Variants in LARP7 observed in about 807,000 individuals in gnomAD.
The protein encoded by LARP7 is La ribonucleoprotein 7, transcriptional regulator, also known as la-related protein 7.
In LARP7, 52 loss-of-function variants were observed where a neutral mutation model predicts 69.3. The ratio of observed to expected loss-of-function variants is 0.75; its 90% CI spans 0.60 to 0.95. The LOEUF (loss-of-function observed/expected upper bound fraction) is 0.95. LARP7 is among the 40% of genes least tolerant of loss of function. LARP7 has a pLI of 0.00. For missense variants in LARP7, 733 were observed against 673.0 expected, an observed-to-expected ratio of 1.09 and a Z score of -0.99; for synonymous variants, 254 against 215.9, an observed-to-expected ratio of 1.18 and a Z score of -1.55.
chr4:112,644,472 G>T, intron 1 of LARP7, 196 bp from the exon 2 acceptor site: 2 of 1,189,886 alleles, frequency 1.7e-6, no homozygotes, highest in Non-Finnish European at 2.2e-6. Context: ...CTAAAGCTAT[G>T]ATCCCTAACA....
At chr4:112,641,185 G>T (rs2047946320) in intron 1 of LARP7, among the ~76,000 whole-genome samples, 2 of 152,064 alleles carry the variant, frequency 1.3e-5, no homozygotes, top group Admixed American at 1.3e-4. Context: ...CAGATCACCT[G>T]AGGTCAGGTG....
In LARP7 at chr4:112,647,367, G is replaced by T. The variant is rs529243678; in HGVS notation, c.815G>T (p.Cys272Phe). 4.3e-6 allele frequency: 7 copies of T among 1,613,912 alleles called. No homozygotes were observed. Among genetic ancestry groups the T allele is most frequent in the Non-Finnish European group, 5.9e-6 (7 of 1,180,016 alleles). The change falls in exon 7 of 13, where the codon TGC becomes TTC. Residue 272 changes from cysteine (C) to phenylalanine (F), a missense_variant. Physicochemically the swap from Cys to Phe is radical, Grantham distance 205 (BLOSUM62 -2). Coordinates refer to ENST00000344442, the MANE Select transcript of LARP7 (RefSeq NM_016648.4). ...GAGTCCACTGAACCCCAAAAGCAGT[G>T]CTCAAAGAAAAAGAAAAAACGGGAC... ...DIESTEPQKQ[C>F]SKKKKKRDRV...
At chr4:112,649,151 A>T (rs1434571865) in intron 8 of LARP7, among the ~76,000 whole-genome samples, 2 of 152,152 alleles carry the variant, frequency 1.3e-5, no homozygotes, top group East Asian at 1.9e-4. Context: ...AGTAAATACT[A>T]AGGAATGTTA....
chr4:112,650,992 A>G (rs2048705594), intron 10 of LARP7, among the ~76,000 whole-genome samples: 1 of 152,122 alleles, frequency 6.6e-6, no homozygotes, highest in South Asian at 2.1e-4. Context: ...TTACGCTACA[A>G]ATTGCTGTAC....
rs1164711856 is a variant in LARP7 at position 112,646,613 on chromosome 4, G to A, written c.329G>A (p.Arg110Gln). ...CTTGATTTGGAAGGCACCAGAATCC[G>A]GAGGAAAAAACCTCTGGGGGAAAGA... ...VELDLEGTRI[R>Q]RKKPLGERPK... The change falls in exon 4 of 13, where the codon CGG becomes CAG. Residue 110 changes from arginine (R) to glutamine (Q), a missense_variant. Arg to Gln is a conservative substitution (Grantham distance 43). Coordinates refer to ENST00000344442, the MANE Select transcript of LARP7 (RefSeq NM_016648.4). 7 of 1,598,674 alleles carry A rather than the reference G, an allele frequency of 4.4e-6. No individual in the cohort carries two copies. Among genetic ancestry groups the A allele is most frequent in the African/African-American group, 1.3e-5 (1 of 74,690 alleles).
Position 112,649,562 on chromosome 4 carries a change from G to A in LARP7, c.1170G>A (p.Glu390=). 6.2e-7 allele frequency: 1 copy of A among 1,603,906 alleles called. No individual in the cohort carries two copies. Among genetic ancestry groups the A allele is most frequent in the South Asian group, 1.1e-5 (1 of 89,732 alleles). The change falls in exon 9 of 13, where the codon GAG becomes GAA. Residue 390 remains glutamate (E), a synonymous_variant. Coordinates refer to ENST00000344442, the MANE Select transcript of LARP7 (RefSeq NM_016648.4). The part of the protein sequence containing the change: ...SKSEWMDLKK[E]YLALQKASMA... ...GCGAATGGATGGATTTGAAAAAAGA[G>A]TATTTAGCGCTACAAAAAGCTAGCA...
Position 112,646,571 on chromosome 4 carries a change from A to AAT in LARP7, c.304-13_304-12dup. The AAT allele has an allele frequency of 2.7e-6, 4 of 1,456,200 alleles. No homozygotes were observed. The highest frequency in any genetic ancestry group is 2.8e-6 in the Non-Finnish European group (3 of 1,075,356). The allele number at this position is 1,456,200 out of a possible 1,614,324, so 90.2% of individuals were successfully genotyped here. A position where few individuals can be genotyped will look rare whatever the true frequency, so the allele number is the denominator to read the frequency against. On this transcript the variant is annotated splice_polypyrimidine_tract_variant and intron_variant, in intron 3 of 12. Coordinates refer to ENST00000344442, the MANE Select transcript of LARP7 (RefSeq NM_016648.4). The stretch of plus-strand genomic sequence containing the variant: ...TAAATAATATTAGTTTTATTAATGT[A>AAT]ATATACTATTTTAAAGCTTGATTTG...
Position 112,654,069 on chromosome 4 carries a change from T to A in LARP7, c.1578T>A (p.Gly526=), listed in dbSNP as rs1381017073. Residue 526 remains glycine (G), a splice_region_variant and synonymous_variant, in exon 12 of 13, where the codon GGT becomes GGA. Coordinates refer to ENST00000344442, the MANE Select transcript of LARP7 (RefSeq NM_016648.4). ...TCAGAGTCTTTGTTTGTTTTTAAGGTGATCACGAACAAAGGTATTGGCAGA... is the reference window on the plus strand; with the variant it reads ...TCAGAGTCTTTGTTTGTTTTTAAGGAGATCACGAACAAAGGTATTGGCAGA... ...KHCWKLEILS[G]DHEQRYWQKI... The A allele has an allele frequency of 6.2e-7, 1 of 1,611,048 alleles. No homozygotes were observed. The highest frequency in any genetic ancestry group is 8.5e-7 in the Non-Finnish European group (1 of 1,177,274).
At chr4:112,639,627 A>G (rs1222241654) in intron 1 of LARP7, among the ~76,000 whole-genome samples, 1 of 152,022 alleles carries the variant, frequency 6.6e-6, no homozygotes, top group African/African-American at 2.4e-5. Context: ...GTTTTGACAG[A>G]AGCATCACAA....
At position 112,650,665 on chromosome 4, in the gene LARP7, T is replaced by C. The variant is rs117963364; in HGVS notation, c.1416+83T>C. 4.9e-3 allele frequency: 6,767 copies of C among 1,378,572 alleles called. 246 individuals are homozygous for C. The East Asian group carries it at 0.097, about 20-fold the overall frequency. The allele number at this position is 1,378,572 out of a possible 1,614,324, so 85.4% of individuals were successfully genotyped here. ...GTGAAAATGTTTTGAATATGGAAGA[T>C]AAAACAAATCAAGTTAGAATTTGTT... On this transcript the variant is annotated intron_variant, in intron 10 of 12. Transcript: ENST00000344442.
chr4:112,638,796 C>T (rs370773173), intron 1 of LARP7, among the ~76,000 whole-genome samples: 1 of 152,168 alleles, frequency 6.6e-6, no homozygotes, highest in African/African-American at 2.4e-5. Flanking sequence ...GTTAAGCAAC[C>T]CATGACTGTG....
intron 8 of LARP7, chr4:112,648,851 CTT>C (rs58275837): frequency 1.3e-3 from 193 of 148,974 alleles, no homozygotes; most frequent in South Asian, 6.6e-3. Flanking sequence ...GGTCTGGATC[CTT>C]TTTTTTTTTT....
In LARP7 at chr4:112,647,218, G is replaced by C. The variant is rs745533824; in HGVS notation, c.666G>C (p.Lys222Asn). 2 of 1,589,856 alleles carry C rather than the reference G, an allele frequency of 1.3e-6. No homozygotes were observed. The highest frequency in any genetic ancestry group is 4.5e-5 in the East Asian group (2 of 44,702). Residue 222 changes from lysine to asparagine, a missense_variant, in exon 7 of 13, where the codon AAG becomes AAC. By Grantham distance (94) the Lys-to-Asn change is moderately conservative (BLOSUM62 0). Coordinates refer to ENST00000344442, the MANE Select transcript of LARP7 (RefSeq NM_016648.4). ...TTACAGAAGAGAAGAAAAAGAAAAA[G>C]AAGAAGAAAGGCCGAATGAAAAAGG... ...LRVVEEKKKK[K>N]KKKGRMKKED...
chr4:112,645,497 C>T (rs942459421), intron 2 of LARP7: 1 of 455,986 alleles, frequency 2.2e-6, no homozygotes, highest in African/African-American at 2.0e-5. Context: ...TCACCTAGCT[C>T]AATGTTATTT....
rs113912016 is a variant in LARP7 at position 112,647,958 on chromosome 4, GCA to G, written c.1142+129_1142+130del. 1.8e-4 allele frequency: 142 copies of G among 789,312 alleles called. 1 individual carries two copies. The highest frequency in any genetic ancestry group is 1.4e-3 in the African/African-American group (82 of 59,292). The allele number at this position is 789,312 out of a possible 1,614,324, so 48.9% of individuals were successfully genotyped here. A position where few individuals can be genotyped will look rare whatever the true frequency, so the allele number is the denominator to read the frequency against. On this transcript the variant is annotated intron_variant, in intron 8 of 12. Transcript: ENST00000344442. ...CAGTAATGGCCTGTAGCCAAGAACT[GCA>G]CACAGTGTGGGCGTTAACGCAATTG...
chr4:112,645,227 G>A (rs2048133540), intron 2 of LARP7, among the ~76,000 whole-genome samples: 1 of 152,120 alleles, frequency 6.6e-6, no homozygotes, highest in African/African-American at 2.4e-5. Flanking sequence ...TTACAGGCGT[G>A]AGCCACTACA....
intron 2 of LARP7, chr4:112,645,604 AC>A: frequency 3.2e-6 from 1 of 311,826 alleles, no homozygotes; most frequent in East Asian, 1.0e-4. Context: ...CCCCACCTCC[AC>A]CCCCTCAGCC....
rs1467322746 is a variant in LARP7, at chr4:112,647,504, A to C, written c.952A>C (p.Lys318Gln). The change falls in exon 7 of 13, where the codon AAA becomes CAA. Residue 318 changes from lysine (K) to glutamine (Q), a missense_variant. Physicochemically the swap from Lys to Gln is moderately conservative, Grantham distance 53. Coordinates refer to ENST00000344442, the MANE Select transcript of LARP7 (RefSeq NM_016648.4). ...ATCAAAAGTAAAGAAAATTATTCAG[A>C]AAGACATCATTAAGGAAGCATCAGA... ...PRSKVKKIIQ[K>Q]DIIKEASEAS... 1 of 1,613,340 alleles carries C rather than the reference A, an allele frequency of 6.2e-7. No homozygotes were observed. Among genetic ancestry groups the C allele is most frequent in the Non-Finnish European group, 8.5e-7 (1 of 1,179,648 alleles).
At chr4:112,648,280 C>T (rs753607927) in intron 8 of LARP7, 6 of 528,118 alleles carry the variant, frequency 1.1e-5, no homozygotes, top group Non-Finnish European at 1.6e-5. Context: ...AAGTTAGAAT[C>T]CTTTAACCTG....
Sources: gnomAD v4.1 joint callset for allele counts (sites outside exome capture counted in the v4.1 genomes callset) on GRCh38, gnomAD v4.1.1 for gene constraint, MANE v1.5 for transcripts, NCBI Gene and HGNC (gene_info 2026-07-23, HGNC 2026-07-21) for gene names.